GRIN2C: variants seen among roughly 807,000 people sequenced by gnomAD.
GRIN2C encodes the protein glutamate receptor ionotropic, NMDA 2C.
In GRIN2C, 64 loss-of-function variants were observed where a neutral mutation model predicts 77.7. That is an observed-to-expected ratio of 0.82 (90% CI 0.67 to 1.01). GRIN2C has a LOEUF of 1.01. GRIN2C is among the 50% of genes least tolerant of loss of function. The probability of loss-of-function intolerance (pLI) is 0.00; values close to 1 mark genes in which losing one functional copy is unlikely to be tolerated. For missense variants in GRIN2C, 1,549 were observed against 1,486.0 expected, an observed-to-expected ratio of 1.04 and a Z score of -0.70; for synonymous variants, 792 against 643.4, an observed-to-expected ratio of 1.23 and a Z score of -3.49.
At chr17:74,856,190 A>G (rs909182900) in intron 1 of GRIN2C, among the ~76,000 whole-genome samples, 2 of 152,186 alleles carry the variant, frequency 1.3e-5, no homozygotes, top group Non-Finnish European at 1.5e-5. Context: ...CCAGCTGGCC[A>G]TCGGCCATGG....
At position 74,844,321 on chromosome 17, in the gene GRIN2C, C is replaced by T. The variant is rs2037390873; in HGVS notation, c.2538G>A (p.Ser846=). Residue 846 remains serine, a synonymous_variant, in exon 12 of 13, where the codon TCG becomes TCA. Transcript: ENST00000293190. ...EHLVYWKLRH[S]VPNSSQLDFL... is the part of the protein sequence containing the mutation. ...AGTCCAGCTGGGATGAGTTGGGCAC[C>T]GAGTGGCGCAGCTTCCAGTAGACCA... 6.2e-6 allele frequency: 10 copies of T among 1,613,960 alleles called. No individual in the cohort carries two copies. The highest frequency in any genetic ancestry group is 1.3e-5 in the African/African-American group (1 of 74,912).
chr17:74,853,819 C>T (rs1375891630), intron 2 of GRIN2C: 3 of 152,286 alleles, frequency 2.0e-5, no homozygotes, highest in Non-Finnish European at 4.4e-5. Flanking sequence ...CCGCTCTTCC[C>T]TGAGTGGCTA....
intron 1 of GRIN2C, among the ~76,000 whole-genome samples, chr17:74,855,429 C>T (rs528701316): frequency 7.9e-5 from 12 of 152,316 alleles, no homozygotes; most frequent in African/African-American, 2.9e-4. Context: ...GGAAGTCATA[C>T]TGAAAATGCT....
intron 2 of GRIN2C, 30 bp downstream of exon 2, chr17:74,854,664 G>A (rs751109423): frequency 6.3e-7 from 1 of 1,584,492 alleles, no homozygotes; most frequent in Admixed American, 1.7e-5. Flanking sequence ...CAGGCCTGAG[G>A]CACGAGGGGA....
Position 74,847,587 on chromosome 17 carries a change from A to C in GRIN2C, c.1772-50T>G. 7.3e-7 allele frequency: 1 copy of C among 1,367,212 alleles called. No individual in the cohort carries two copies. The highest frequency in any genetic ancestry group is 1.0e-6 in the Non-Finnish European group (1 of 974,830). The allele number at this position is 1,367,212 out of a possible 1,614,324, so 84.7% of individuals were successfully genotyped here. ...CTGGAGCTCCTCCTGCCCACCATGAAAGGGCTCAGGGCTCAGCCCACCCGA... is the reference window on the plus strand; with the variant it reads ...CTGGAGCTCCTCCTGCCCACCATGACAGGGCTCAGGGCTCAGCCCACCCGA... On this transcript the variant is annotated intron_variant, in intron 8 of 12. Coordinates refer to ENST00000293190, the MANE Select transcript of GRIN2C (RefSeq NM_000835.6). This position sits in a 1 kb window ranked among gnomAD's most constrained non-coding sequence, Gnocchi z 5.2.
chr17:74,860,029 C>T (rs555184747), upstream of GRIN2C, among the ~76,000 whole-genome samples: 6 of 151,660 alleles, frequency 4.0e-5, no homozygotes, highest in Middle Eastern at 3.4e-3. Context: ...CACCCCCACT[C>T]CCCCAAGCTG....
chr17:74,851,735 C>T, intron 3 of GRIN2C, 44 bp from the exon 4 acceptor site: 1 of 1,231,330 alleles, frequency 8.1e-7, no homozygotes, highest in Non-Finnish European at 1.2e-6. Flanking sequence ...AAGGACCAGG[C>T]ACCCCCTGCC....
At chr17:74,855,693 C>T (rs2037800948) in intron 1 of GRIN2C, among the ~76,000 whole-genome samples, 1 of 152,186 alleles carries the variant, frequency 6.6e-6, no homozygotes, top group Admixed American at 6.5e-5. Flanking sequence ...ACCCCCAACC[C>T]CCACCCCCAC....
Position 74,842,991 on chromosome 17 carries a change from A to AGCTCCGGCG in GRIN2C, c.3145_3146insCGCCGGAGC (p.Glu1048_Leu1049insProProGlu), listed in dbSNP as rs139495021. ...CGGACCGAGCAGCGGCAGGTCCTCC[A>AGCTCCGGCG]GCTCCGGGAAGAGCGGGAGGAAGGG... On this transcript the variant is annotated inframe_insertion, in exon 13 of 13. Coordinates refer to ENST00000293190, the MANE Select transcript of GRIN2C (RefSeq NM_000835.6). 2 of 510,944 alleles carry AGCTCCGGCG rather than the reference A, an allele frequency of 3.9e-6. No homozygotes were observed. The highest frequency in any genetic ancestry group is 6.9e-6 in the Non-Finnish European group (2 of 289,662). 31.7% of individuals were successfully genotyped at this position (510,944 alleles called of 1,614,324 possible).
Position 74,847,647 on chromosome 17 carries a change from G to T in GRIN2C, c.1772-110C>A. On this transcript the variant is annotated intron_variant, in intron 8 of 12. Coordinates refer to ENST00000293190, the MANE Select transcript of GRIN2C (RefSeq NM_000835.6). This position sits in a 1 kb window ranked among gnomAD's most constrained non-coding sequence, Gnocchi z 5.2. Reference sequence around the variant, plus strand: ...TCCGGTCTCAGCCTGGCCTTGGGGGGGACGCGTCCTGGCCATTCCCTCGCC... The same window carrying T: ...TCCGGTCTCAGCCTGGCCTTGGGGGTGACGCGTCCTGGCCATTCCCTCGCC... 2.2e-6 allele frequency: 2 copies of T among 930,072 alleles called. No individual in the cohort carries two copies. Among genetic ancestry groups the T allele is most frequent in the Non-Finnish European group, 3.3e-6 (2 of 604,806 alleles). 57.6% of individuals were successfully genotyped at this position (930,072 alleles called of 1,614,324 possible). A position where few individuals can be genotyped will look rare whatever the true frequency, so the allele number is the denominator to read the frequency against.
chr17:74,852,840 A>G, intron 2 of GRIN2C: 1 of 417,794 alleles, frequency 2.4e-6, no homozygotes, highest in South Asian at 8.4e-5. Context: ...GCAGACCCGC[A>G]GCATCAGCAC....
chr17:74,852,687 C>A, intron 2 of GRIN2C, 76 bp from the exon 3 acceptor site: 2 of 662,256 alleles, frequency 3.0e-6, no homozygotes, highest in Non-Finnish European at 4.6e-6. Context: ...CTCGGCCCCT[C>A]CATCAGCTCC....
At position 74,842,501 on chromosome 17, in the gene GRIN2C, A is replaced by T. The variant is rs1459061179; in HGVS notation, c.3636T>A (p.Arg1212=). 1 of 779,166 alleles carries T rather than the reference A, an allele frequency of 1.3e-6. No homozygotes were observed. Among genetic ancestry groups the T allele is most frequent in the Non-Finnish European group, 2.4e-6 (1 of 417,750 alleles). The allele number at this position is 779,166 out of a possible 1,614,324, so 48.3% of individuals were successfully genotyped here. The change falls in exon 13 of 13, where the codon CGT becomes CGA. Residue 1212 remains arginine (R), a synonymous_variant. Coordinates refer to ENST00000293190, the MANE Select transcript of GRIN2C (RefSeq NM_000835.6). The stretch of plus-strand genomic sequence containing the variant: ...AGGGTCCCGGGAAGCCTTGCGTCCC[A>T]CGGGCTACCCTGCTGATCTCGTCCA... ...GGLDEISRVA[R]GTQGFPGPCT...
chr17:74,860,769 G>C (rs2037931906), upstream of GRIN2C: 1 of 341,158 alleles, frequency 2.9e-6, no homozygotes, highest in Non-Finnish European at 5.8e-6. Flanking sequence ...GATTCTCCCA[G>C]GTCGCAGGAA....
In GRIN2C at chr17:74,852,157, A is replaced by G; in HGVS notation, c.854T>C (p.Leu285Pro). 6.9e-7 allele frequency: 1 copy of G among 1,452,158 alleles called. No individual in the cohort carries two copies. The highest frequency in any genetic ancestry group is 2.6e-5 in the Admixed American group (1 of 39,160). 90.0% of individuals were successfully genotyped at this position (1,452,158 alleles called of 1,614,324 possible). Residue 285 changes from leucine to proline, a missense_variant, in exon 3 of 13, where the codon CTG becomes CCG. Physicochemically the swap from Leu to Pro is moderately conservative, Grantham distance 98 (BLOSUM62 -3). Around this residue, in one of 3 missense-constraint regions of GRIN2C, gnomAD observed 717 missense variants for 858.1 expected, o/e 0.84. Coordinates refer to ENST00000293190, the MANE Select transcript of GRIN2C (RefSeq NM_000835.6). Reference sequence around the variant, plus strand: ...CACGCCGTCGCGCACCTTCTGGCGCAGGCTGAGGCGCCAGCTCTCGGTGAC... The same window carrying G: ...CACGCCGTCGCGCACCTTCTGGCGCGGGCTGAGGCGCCAGCTCTCGGTGAC... ...SVVTESWRLS[L>P]RQKVRDGVAI...
In GRIN2C at chr17:74,852,493, G is replaced by A. The variant is rs1299533088; in HGVS notation, c.518C>T (p.Pro173Leu). 1 of 1,568,278 alleles carries A rather than the reference G, an allele frequency of 6.4e-7. No individual in the cohort carries two copies. The highest frequency in any genetic ancestry group is 1.8e-5 in the Admixed American group (1 of 56,394). The change falls in exon 3 of 13, where the codon CCG becomes CTG. Residue 173 changes from proline (P) to leucine (L), a missense_variant. Coordinates refer to ENST00000293190, the MANE Select transcript of GRIN2C (RefSeq NM_000835.6). ...GCCCTCCAGGAAGAGCGCGTGGCCC[G>A]GGTGCAGGCTGGTGATGACGGCGAA... ...SAFAVITSLH[P>L]GHALFLEGVR...
chr17:74,848,484 C>T (rs962536322), intron 7 of GRIN2C, among the ~76,000 whole-genome samples: 3 of 152,248 alleles, frequency 2.0e-5, no homozygotes, highest in South Asian at 2.1e-4. Flanking sequence ...GAGGACGAGA[C>T]GGGCGGATCG....
rs1202276386 is a variant in GRIN2C, at chr17:74,852,265, C to T, written c.746G>A (p.Gly249Asp). The T allele has an allele frequency of 2.9e-6, 4 of 1,400,048 alleles. No individual in the cohort carries two copies. The highest frequency in any genetic ancestry group is 3.4e-5 in the Admixed American group (1 of 29,644). The allele number at this position is 1,400,048 out of a possible 1,614,324, so 86.7% of individuals were successfully genotyped here. The change falls in exon 3 of 13, where the codon GGC becomes GAC. Residue 249 changes from glycine (G) to aspartate (D), a missense_variant. Around this residue, in one of 3 missense-constraint regions of GRIN2C, gnomAD observed 382 missense variants for 360.0 expected, o/e 1.06. Coordinates refer to ENST00000293190, the MANE Select transcript of GRIN2C (RefSeq NM_000835.6). ...EAAQAGLVGP[G>D]HVWLVPNLAL... ...CAGGTTGGGCACCAGCCACACGTGG[C>T]CGGGCCCCACCAGACCGGCCTGCGC...
chr17:74,851,505 G>A, intron 4 of GRIN2C, 72 bp downstream of exon 4: 2 of 829,502 alleles, frequency 2.4e-6, no homozygotes, highest in Non-Finnish European at 4.0e-6. Context: ...TCTCTGCTCA[G>A]CTGTGGGCAC....
Sources: allele counts gnomAD v4.1 joint callset (sites outside exome capture counted in the v4.1 genomes callset), GRCh38; gene constraint gnomAD v4.1.1; regional missense constraint gnomAD v4.1.1; non-coding constraint Gnocchi (gnomAD v3.1); transcripts MANE v1.5; gene names NCBI Gene and HGNC (gene_info 2026-07-23, HGNC 2026-07-21).